Variants in SETBP1 observed in about 807,000 individuals in gnomAD.
SETBP1 encodes the protein SET-binding protein.
SETBP1 carries 9 observed loss-of-function variants against 101.0 expected under a neutral mutation model. The ratio of observed to expected loss-of-function variants is 0.09; its 90% CI spans 0.05 to 0.16. SETBP1 has a LOEUF of 0.16. Ranked by LOEUF, SETBP1 falls within the 10% of genes least tolerant of loss-of-function variation. The probability of loss-of-function intolerance (pLI) is 1.00; values close to 1 mark genes in which losing one functional copy is unlikely to be tolerated. For synonymous variants in SETBP1, 818 were observed against 788.5 expected (o/e 1.04, Z -0.63); for missense variants, 1,858 against 2,033.8 (o/e 0.91, Z 1.66).
chr18:44,900,933 G>A (rs1416630142), intron 3 of SETBP1, among the ~76,000 whole-genome samples: 1 of 152,144 alleles, frequency 6.6e-6, no homozygotes, highest in African/African-American at 2.4e-5. Context: ...TCTAAGCCCA[G>A]GGACTTTTAT....
At position 45,050,505 on chromosome 18, in the gene SETBP1, A is replaced by G. The variant is rs2073703812; in HGVS notation, c.4171+11850A>G. Among the ~76,000 whole-genome samples, 6 of 152,284 alleles carry G rather than the reference A, an allele frequency of 3.9e-5. No homozygotes were observed. In the South Asian group the frequency reaches 1.2e-3, roughly 32 times the overall value. ...CCCTCTCTCTTGGAGTGTCTGACCT[A>G]TTGAAGAACACTCTTCCCCAGGAAT... On this transcript the variant is annotated intron_variant, in intron 5 of 5. Transcript: ENST00000649279.
chr18:44,841,214 G>A (rs887348192), intron 2 of SETBP1, among the ~76,000 whole-genome samples: 2 of 152,080 alleles, frequency 1.3e-5, no homozygotes, highest in South Asian at 2.1e-4. Flanking sequence ...TAGGTCTATG[G>A]GATCCCCTTT....
At chr18:44,999,887 C>A (rs1048449107) in intron 4 of SETBP1, among the ~76,000 whole-genome samples, 1 of 152,104 alleles carries the variant, frequency 6.6e-6, no homozygotes, top group East Asian at 1.9e-4. Flanking sequence ...TAAGAGAGCT[C>A]GTGACTGATC....
intron 3 of SETBP1, among the ~76,000 whole-genome samples, chr18:44,939,260 T>C (rs1247507958): frequency 6.6e-6 from 1 of 152,008 alleles, no homozygotes; most frequent in Non-Finnish European, 1.5e-5. Flanking sequence ...CACCACACTC[T>C]ACCCTGGAAG....
At chr18:44,805,540 T>C (rs2071712307) in intron 2 of SETBP1, among the ~76,000 whole-genome samples, 1 of 152,278 alleles carries the variant, frequency 6.6e-6, no homozygotes, top group Middle Eastern at 3.4e-3. Flanking sequence ...TTTGGACTTC[T>C]CCAAAGGTGT....
At chr18:44,873,109 GA>G (rs2069316405) in intron 3 of SETBP1, among the ~76,000 whole-genome samples, 1 of 151,902 alleles carries the variant, frequency 6.6e-6, no homozygotes, top group Non-Finnish European at 1.5e-5. Flanking sequence ...GAACACATAG[GA>G]AAACATGTTT....
intron 5 of SETBP1, among the ~76,000 whole-genome samples, chr18:45,047,423 T>C (rs139931007): frequency 4.9e-4 from 74 of 152,306 alleles, no homozygotes; most frequent in African/African-American, 1.8e-3. Context: ...GATGAAAGTG[T>C]GGTGCCTGCC....
At chr18:45,009,407 G>T (rs987527677) in intron 4 of SETBP1, among the ~76,000 whole-genome samples, 1 of 151,388 alleles carries the variant, frequency 6.6e-6, no homozygotes, top group African/African-American at 2.4e-5. Flanking sequence ...TGGTTTTTAT[G>T]GGGCATTATA....
intron 2 of SETBP1, among the ~76,000 whole-genome samples, chr18:44,763,250 G>A (rs2070697301): frequency 6.6e-6 from 1 of 152,184 alleles, no homozygotes; most frequent in Non-Finnish European, 1.5e-5. Flanking sequence ...TGAAATAGTA[G>A]GTCATAGAAG....
chr18:44,851,382 G>T (rs1433096250), intron 2 of SETBP1, among the ~76,000 whole-genome samples: 2 of 152,162 alleles, frequency 1.3e-5, no homozygotes, highest in Non-Finnish European at 2.9e-5. Context: ...AGAGGATGAG[G>T]TCTGGGCTGA....
At chr18:44,899,556 G>A (rs1267665589) in intron 3 of SETBP1, among the ~76,000 whole-genome samples, 1 of 152,168 alleles carries the variant, frequency 6.6e-6, no homozygotes, top group African/African-American at 2.4e-5. Flanking sequence ...GCTCAGGACT[G>A]GCTTCATGGG....
At chr18:44,910,778 G>A (rs1184331725) in intron 3 of SETBP1, among the ~76,000 whole-genome samples, 2 of 152,172 alleles carry the variant, frequency 1.3e-5, no homozygotes, top group Admixed American at 6.6e-5. Flanking sequence ...ATAGTGGGTA[G>A]GGTTGTTTCT....
chr18:44,867,736 G>T (rs750893890), intron 2 of SETBP1, among the ~76,000 whole-genome samples: 2 of 151,974 alleles, frequency 1.3e-5, no homozygotes, highest in African/African-American at 4.8e-5. Context: ...GATGGGGAAT[G>T]GGGGGGTGGG....
Position 44,897,614 on chromosome 18 carries a change from G to A in SETBP1, c.540+28331G>A, listed in dbSNP as rs577509559. ...GTTGTGTGGGAAACACTGCAGGTGC[G>A]TCTGTGAGAGGAGAGAAAATTAGGA... On this transcript the variant is annotated intron_variant, in intron 3 of 5. Coordinates refer to ENST00000649279, the MANE Select transcript of SETBP1 (RefSeq NM_015559.3). Among the ~76,000 whole-genome samples the A allele has an allele frequency of 3.8e-4, 58 of 152,266 alleles. 1 individual carries two copies. The highest frequency in any genetic ancestry group is 1.1e-3 in the Admixed American group (17 of 15,294).
chr18:44,929,501 A>G (rs1202195111), intron 3 of SETBP1, among the ~76,000 whole-genome samples: 4 of 152,206 alleles, frequency 2.6e-5, no homozygotes, highest in African/African-American at 9.7e-5. Flanking sequence ...TGAGGATGGC[A>G]TTGAATCTAT....
At chr18:44,815,647 T>C (rs2071959238) in intron 2 of SETBP1, among the ~76,000 whole-genome samples, 1 of 152,244 alleles carries the variant, frequency 6.6e-6, no homozygotes, top group Non-Finnish European at 1.5e-5. Flanking sequence ...GGGCAAGTGA[T>C]AGGACTCATG....
chr18:44,951,874 T>C lies in SETBP1; in HGVS notation c.2534T>C (p.Ile845Thr). Reference protein sequence around the residue: ...MANSPSHLCEIGSLKEITLSP... With the variant: ...MANSPSHLCETGSLKEITLSP... ...AACTCCCCTTCACACCTGTGCGAGATTGGCTCCCTAAAGGAAATCACGCTG... is the reference window on the plus strand; with the variant it reads ...AACTCCCCTTCACACCTGTGCGAGACTGGCTCCCTAAAGGAAATCACGCTG... Residue 845 changes from isoleucine to threonine, a missense_variant, in exon 4 of 6, where the codon ATT becomes ACT. Ile to Thr is a moderately conservative substitution (Grantham distance 89). This residue lies in a region of SETBP1 where 121 missense variants were observed against 138.0 expected (regional missense o/e 0.88). Transcript: ENST00000649279. This position sits in a 1 kb window ranked among gnomAD's most constrained non-coding sequence, Gnocchi z 7.8. The C allele has an allele frequency of 1.9e-6, 3 of 1,614,000 alleles. No individual in the cohort carries two copies. The highest frequency in any genetic ancestry group is 2.5e-6 in the Non-Finnish European group (3 of 1,180,022).
chr18:44,925,613 A>G (rs1275327411), intron 3 of SETBP1, among the ~76,000 whole-genome samples: 1 of 152,240 alleles, frequency 6.6e-6, no homozygotes, highest in Non-Finnish European at 1.5e-5. Context: ...TAGAAATAAT[A>G]TGATTTTAAA....
chr18:44,777,923 C>T lies in SETBP1; in HGVS notation c.486+76091C>T, dbSNP rs374249739. Among the ~76,000 whole-genome samples, 21 of 152,324 alleles carry T rather than the reference C, an allele frequency of 1.4e-4. No individual in the cohort carries two copies. In the South Asian group the frequency reaches 2.3e-3, roughly 17 times the overall value. On this transcript the variant is annotated intron_variant, in intron 2 of 5. Coordinates refer to ENST00000649279, the MANE Select transcript of SETBP1 (RefSeq NM_015559.3). The stretch of plus-strand genomic sequence containing the variant: ...CTGTGCAAAAGCAGAGACGGGGAGC[C>T]GCCTTCCCATTTCTGAACCCGACTG...
Sources: allele counts gnomAD v4.1 joint callset (sites outside exome capture counted in the v4.1 genomes callset), GRCh38; gene constraint gnomAD v4.1.1; regional missense constraint gnomAD v4.1.1; non-coding constraint Gnocchi (gnomAD v3.1); transcripts MANE v1.5; gene names NCBI Gene and HGNC (gene_info 2026-07-23, HGNC 2026-07-21).